The following PCSK6 variants were observed in gnomAD, a reference collection of about 807,000 sequenced individuals.
The protein encoded by PCSK6 is paired basic amino acid cleaving enzyme 4.
A neutral mutation model predicts 123.3 loss-of-function variants in PCSK6; 85 were observed. The ratio of observed to expected loss-of-function variants is 0.69; its 90% confidence interval spans 0.58 to 0.83. PCSK6 has a LOEUF of 0.83. PCSK6 is among the 40% of genes least tolerant of loss of function. PCSK6 has a pLI of 0.00. For missense variants in PCSK6, 1,191 were observed against 1,282.3 expected, an observed-to-expected ratio of 0.93 and a Z score of 1.09; for synonymous variants, 508 against 516.0, an observed-to-expected ratio of 0.98 and a Z score of 0.21.
intron 11 of PCSK6, among the ~76,000 whole-genome samples, chr15:101,374,595 A>G (rs537087063): frequency 2.4e-3 from 363 of 152,330 alleles, no homozygotes; most frequent in African/African-American, 8.3e-3. Context: ...AGCCAGCAGC[A>G]TCCTGCCAGC....
At chr15:101,425,829 T>C (rs902525020) in intron 6 of PCSK6, among the ~76,000 whole-genome samples, 5 of 152,172 alleles carry the variant, frequency 3.3e-5, no homozygotes, top group African/African-American at 1.2e-4. Flanking sequence ...GTATTTACTG[T>C]GCACCTCATC....
At chr15:101,366,637 A>G (rs984207697) in intron 12 of PCSK6, among the ~76,000 whole-genome samples, 1 of 152,122 alleles carries the variant, frequency 6.6e-6, no homozygotes, top group Non-Finnish European at 1.5e-5. Context: ...GCTCTCACCA[A>G]CAGAAGCCCC....
intron 14 of PCSK6, 53 bp from the exon 15 acceptor site, chr15:101,331,742 C>T: frequency 6.2e-7 from 1 of 1,600,978 alleles, no homozygotes. Context: ...AAGAGAGACA[C>T]ACAACCATCA....
chr15:101,428,305 G>A (rs2056328752), intron 5 of PCSK6, among the ~76,000 whole-genome samples: 1 of 152,230 alleles, frequency 6.6e-6, no homozygotes, highest in South Asian at 2.1e-4. Flanking sequence ...CTCCCAGCAC[G>A]TGTAATTGGC....
At chr15:101,319,347 C>T (rs906823320) in intron 18 of PCSK6, among the ~76,000 whole-genome samples, 2 of 151,870 alleles carry the variant, frequency 1.3e-5, no homozygotes, top group African/African-American at 4.8e-5. Flanking sequence ...CTGTCAGACC[C>T]GGAGACTCCT....
At chr15:101,450,017 A>G (rs959082548) in intron 1 of PCSK6, among the ~76,000 whole-genome samples, 6 of 152,046 alleles carry the variant, frequency 3.9e-5, no homozygotes, top group Non-Finnish European at 8.8e-5. Context: ...AGCAGCATCA[A>G]CAACACTGCA....
rs1394385197 is a variant in PCSK6, at chr15:101,370,451, C to A, written c.1605G>T (p.Arg535=). Residue 535 remains arginine (R), a synonymous_variant, in exon 12 of 22, where the codon CGG becomes CGT. Transcript: ENST00000611716. ...CCACCACGTGCTCCAAGTAGACCAC[C>A]CGCTGGTCCGAGTGCTCCGCGCAGG... ...TSACAEHSDQ[R]VVYLEHVVVR... 1 of 1,550,976 alleles carries A rather than the reference C, an allele frequency of 6.4e-7. No individual in the cohort carries two copies. Among genetic ancestry groups the A allele is most frequent in the Admixed American group, 2.0e-5 (1 of 50,938 alleles).
At chr15:101,457,712 G>C (rs985348227) in intron 1 of PCSK6, among the ~76,000 whole-genome samples, 1 of 152,172 alleles carries the variant, frequency 6.6e-6, no homozygotes, top group African/African-American at 2.4e-5. Context: ...CAGGGCAGAG[G>C]GGAGCCGAGG....
At chr15:101,472,214 TG>T (rs1237281316) in intron 1 of PCSK6, among the ~76,000 whole-genome samples, 1 of 152,202 alleles carries the variant, frequency 6.6e-6, no homozygotes, top group African/African-American at 2.4e-5. Flanking sequence ...CCAGGTGGCC[TG>T]GCCACAGCAG....
intron 6 of PCSK6, 110 bp downstream of exon 6, chr15:101,427,782 G>A: frequency 2.5e-6 from 2 of 808,688 alleles, no homozygotes. Flanking sequence ...GGGGTCTGCT[G>A]ACATGGCCAA....
At chr15:101,351,999 C>G (rs2040902965) in intron 13 of PCSK6, among the ~76,000 whole-genome samples, 1 of 152,104 alleles carries the variant, frequency 6.6e-6, no homozygotes. Context: ...GTAGTTGTCT[C>G]AGAGACCAGA....
intron 6 of PCSK6, among the ~76,000 whole-genome samples, chr15:101,409,441 C>T (rs1345852337): frequency 9.9e-5 from 15 of 152,226 alleles, no homozygotes; most frequent in South Asian, 2.1e-4. Context: ...GAAAATTAGC[C>T]GGGCGCGGTG....
intron 1 of PCSK6, among the ~76,000 whole-genome samples, chr15:101,445,561 C>T (rs2056867158): frequency 6.6e-6 from 1 of 152,160 alleles, no homozygotes; most frequent in Admixed American, 6.5e-5. Context: ...TTGCTCACTT[C>T]TTCAACAAAG....
chr15:101,394,919 C>T (rs955309653), intron 7 of PCSK6, among the ~76,000 whole-genome samples: 6 of 152,182 alleles, frequency 3.9e-5, no homozygotes, highest in Admixed American at 2.6e-4. Flanking sequence ...TCGGGGTGGC[C>T]AAGAGCTCAA....
intron 6 of PCSK6, among the ~76,000 whole-genome samples, chr15:101,404,569 G>C (rs527460728): frequency 1.3e-5 from 2 of 152,212 alleles, no homozygotes; most frequent in South Asian, 4.1e-4. Context: ...AGCAGCTCAC[G>C]GTAGGGGAAG....
At chr15:101,375,851 A>G (rs1452537772) in intron 11 of PCSK6, among the ~76,000 whole-genome samples, 1 of 152,086 alleles carries the variant, frequency 6.6e-6, no homozygotes, top group East Asian at 1.9e-4. Context: ...CCTGGCCAAC[A>G]TGGTGAAAGC....
intron 1 of PCSK6, among the ~76,000 whole-genome samples, chr15:101,458,977 T>C (rs1488677280): frequency 6.6e-6 from 1 of 152,102 alleles, no homozygotes; most frequent in Non-Finnish European, 1.5e-5. Context: ...CTGACAGCTG[T>C]AGGACTGTGG....
At chr15:101,373,141 A>C (rs1204701010) in intron 11 of PCSK6, among the ~76,000 whole-genome samples, 1 of 151,968 alleles carries the variant, frequency 6.6e-6, no homozygotes, top group Non-Finnish European at 1.5e-5. Flanking sequence ...TATTCCTGCT[A>C]AGGGACTCCA....
chr15:101,366,058 T>C (rs8034182), intron 13 of PCSK6, 138 bp downstream of exon 13: 322,988 of 910,518 alleles, frequency 0.35, 61,613 homozygotes, highest in East Asian at 0.59. Context: ...ATTAAAATGG[T>C]GAATTTTCTG....
Sources: allele counts gnomAD v4.1 joint callset (sites outside exome capture counted in the v4.1 genomes callset), GRCh38; gene constraint gnomAD v4.1.1; transcripts MANE v1.5; gene names NCBI Gene and HGNC (gene_info 2026-07-23, HGNC 2026-07-21).